Variants in ERC2 observed in about 807,000 individuals in gnomAD.
The protein encoded by ERC2 is ELKS/RAB6-interacting/CAST family member 2.
In ERC2, 42 loss-of-function variants were observed where a neutral mutation model predicts 114.8. The ratio of observed to expected loss-of-function variants is 0.37; its 90% confidence interval spans 0.29 to 0.47. The LOEUF (loss-of-function observed/expected upper bound fraction) is 0.47. ERC2 is among the 20% of genes least tolerant of loss of function. The pLI, the probability that ERC2 is intolerant of heterozygous loss-of-function variation, is 0.99. For missense variants in ERC2, 939 were observed against 1,150.7 expected (o/e 0.82, Z 2.66); for synonymous variants, 454 against 425.5 (o/e 1.07, Z -0.82).
intron 2 of ERC2, among the ~76,000 whole-genome samples, chr3:56,399,142 T>A (rs1462207231): frequency 6.6e-6 from 1 of 152,216 alleles, no homozygotes; most frequent in Non-Finnish European, 1.5e-5. Context: ...ATTCATGCCA[T>A]ATGCTTAATG....
At chr3:55,860,851 G>C (rs891790242) in intron 14 of ERC2, among the ~76,000 whole-genome samples, 8 of 152,176 alleles carry the variant, frequency 5.3e-5, no homozygotes, top group Non-Finnish European at 1.2e-4. Flanking sequence ...TGACAGCAAG[G>C]AAGGGACTGA....
chr3:56,379,943 A>C (rs1220438681), intron 2 of ERC2, among the ~76,000 whole-genome samples: 1 of 152,174 alleles, frequency 6.6e-6, no homozygotes, highest in Admixed American at 6.5e-5. Flanking sequence ...TTCTAAAGTC[A>C]GTTTCTCAGC....
intron 12 of ERC2, among the ~76,000 whole-genome samples, chr3:55,959,116 C>T (rs1369765036): frequency 6.6e-6 from 1 of 152,198 alleles, no homozygotes; most frequent in Non-Finnish European, 1.5e-5. Context: ...TTCTAGAGCA[C>T]TTATCTACTC....
At chr3:55,721,507 A>T (rs760769316) in intron 15 of ERC2, among the ~76,000 whole-genome samples, 9 of 152,220 alleles carry the variant, frequency 5.9e-5, no homozygotes, top group Non-Finnish European at 1.3e-4. Context: ...TCAAAACTAC[A>T]AGGGCTTAGA....
chr3:56,286,728 C>G (rs932706225), intron 3 of ERC2, among the ~76,000 whole-genome samples: 3 of 151,412 alleles, frequency 2.0e-5, no homozygotes, highest in African/African-American at 7.3e-5. Context: ...CAAATGTAAT[C>G]ATTTAAAAAG....
chr3:55,907,600 C>T (rs1289279759), intron 13 of ERC2, among the ~76,000 whole-genome samples: 1 of 152,146 alleles, frequency 6.6e-6, no homozygotes, highest in East Asian at 1.9e-4. Flanking sequence ...CTGCCCACCC[C>T]ATAGTTTTCA....
chr3:55,835,937 C>T (rs998081857), intron 14 of ERC2, among the ~76,000 whole-genome samples: 11 of 151,532 alleles, frequency 7.3e-5, no homozygotes, highest in Non-Finnish European at 2.9e-5. Flanking sequence ...ACAAAAATCA[C>T]AAGCATTCTT....
chr3:56,423,536 C>A (rs1183286819), intron 2 of ERC2, among the ~76,000 whole-genome samples: 1 of 152,220 alleles, frequency 6.6e-6, no homozygotes, highest in Non-Finnish European at 1.5e-5. Context: ...ACTTTATCAA[C>A]GTATGGAGAC....
intron 13 of ERC2, among the ~76,000 whole-genome samples, chr3:55,910,044 G>C (rs1359063612): frequency 6.6e-6 from 1 of 151,906 alleles, no homozygotes; most frequent in Non-Finnish European, 1.5e-5. Context: ...TAAATATTCT[G>C]TTTAGGTTGA....
At chr3:56,167,613 T>G (rs1315102795) in intron 4 of ERC2, among the ~76,000 whole-genome samples, 2 of 152,146 alleles carry the variant, frequency 1.3e-5, no homozygotes, top group Non-Finnish European at 2.9e-5. Flanking sequence ...GGTTTGTTGT[T>G]GCTTTATATT....
chr3:55,777,499 G>C (rs2068715683), intron 14 of ERC2, among the ~76,000 whole-genome samples: 1 of 152,220 alleles, frequency 6.6e-6, no homozygotes, highest in Non-Finnish European at 1.5e-5. Context: ...GGAAAAGGGA[G>C]GCTTTGTGTC....
intron 7 of ERC2, among the ~76,000 whole-genome samples, chr3:56,072,882 C>T (rs1280096876): frequency 2.0e-5 from 3 of 152,152 alleles, no homozygotes; most frequent in African/African-American, 7.2e-5. Flanking sequence ...TGTACTACAC[C>T]TGACTAGCAC....
intron 7 of ERC2, among the ~76,000 whole-genome samples, chr3:56,028,503 T>C (rs955958408): frequency 6.6e-6 from 1 of 152,156 alleles, no homozygotes; most frequent in South Asian, 2.1e-4. Context: ...AGTTTCAGCA[T>C]ACAGATCCTG....
intron 2 of ERC2, among the ~76,000 whole-genome samples, chr3:56,408,763 GGA>G (rs1228052032): frequency 4.6e-5 from 7 of 152,240 alleles, no homozygotes; most frequent in African/African-American, 1.4e-4. Flanking sequence ...GACAGCGTCA[GGA>G]GAGAAGGGCT....
chr3:55,815,771 T>G (rs955150216), intron 14 of ERC2, among the ~76,000 whole-genome samples: 15 of 152,214 alleles, frequency 9.9e-5, no homozygotes, highest in African/African-American at 3.1e-4. Context: ...AGGATTTGAC[T>G]GTAAGACTTC....
At chr3:56,223,990 T>C (rs1341029745) in intron 3 of ERC2, among the ~76,000 whole-genome samples, 4 of 152,194 alleles carry the variant, frequency 2.6e-5, no homozygotes, top group Non-Finnish European at 5.9e-5. Flanking sequence ...AAAAATGACA[T>C]ATAGATTTTA....
At chr3:56,069,560 AT>A (rs2076632472) in intron 7 of ERC2, among the ~76,000 whole-genome samples, 1 of 152,140 alleles carries the variant, frequency 6.6e-6, no homozygotes, top group Non-Finnish European at 1.5e-5. Flanking sequence ...CTAGGGAAAA[AT>A]TCACTTCCAA....
chr3:56,157,005 C>A (rs1286009016), intron 4 of ERC2, among the ~76,000 whole-genome samples: 1 of 152,150 alleles, frequency 6.6e-6, no homozygotes, highest in Non-Finnish European at 1.5e-5. Context: ...CTAGGAAATT[C>A]TCATTTAATA....
intron 6 of ERC2, among the ~76,000 whole-genome samples, chr3:56,126,937 C>G (rs1161911800): frequency 6.6e-6 from 1 of 151,852 alleles, no homozygotes; most frequent in Non-Finnish European, 1.5e-5. Context: ...AAACACTACA[C>G]TAAAAAACCC....
Sources: allele counts gnomAD v4.1 joint callset (sites outside exome capture counted in the v4.1 genomes callset), GRCh38; gene constraint gnomAD v4.1.1; transcripts MANE v1.5; gene names NCBI Gene and HGNC (gene_info 2026-07-23, HGNC 2026-07-21).